The following RARB variants were observed in gnomAD, a reference collection of about 807,000 sequenced individuals.
RARB encodes HBV-activated protein.
In RARB, 17 loss-of-function variants were observed where a neutral mutation model predicts 51.9. The ratio of observed to expected loss-of-function variants is 0.33; its 90% CI spans 0.22 to 0.49. The LOEUF is 0.49. Ranked by LOEUF, RARB falls within the 20% of genes least tolerant of loss-of-function variation. The probability of loss-of-function intolerance (pLI) is 0.99; values close to 1 mark genes in which losing one functional copy is unlikely to be tolerated. For missense variants in RARB, 369 were observed against 550.8 expected (o/e 0.67, Z 3.30); for synonymous variants, 215 against 195.4 (o/e 1.10, Z -0.84).
chr3:25,041,528 G>C (rs572101674), intron 2 of RARB, among the ~76,000 whole-genome samples: 50 of 148,010 alleles, frequency 3.4e-4, no homozygotes, highest in African/African-American at 1.2e-3. Context: ...TGAGAGGGAG[G>C]ACATTTGGGA....
intron 2 of RARB, among the ~76,000 whole-genome samples, chr3:24,876,620 A>C (rs1303251723): frequency 6.6e-6 from 1 of 152,132 alleles, no homozygotes; most frequent in Non-Finnish European, 1.5e-5. Flanking sequence ...TATGAACTAC[A>C]CATCTTATTT....
intron 2 of RARB, among the ~76,000 whole-genome samples, chr3:24,979,270 G>A (rs1201071632): frequency 6.6e-6 from 1 of 152,176 alleles, no homozygotes; most frequent in Non-Finnish European, 1.5e-5. Flanking sequence ...TATTAGGTCT[G>A]CTTGGTCCAG....
rs111255824 is a variant in RARB, at chr3:25,017,221, C to CG, written c.-379-42904_-379-42903insG. Among the ~76,000 whole-genome samples, 7 of 142,026 alleles carry CG rather than the reference C, an allele frequency of 4.9e-5. 1 individual carries two copies. Among genetic ancestry groups the CG allele is most frequent in the African/African-American group, 2.1e-4 (7 of 32,694 alleles). 93.2% of individuals were successfully genotyped at this position (142,026 alleles called of 152,430 possible). ...ACAAATTAACTAGCTTTCCCCCCCC[C>CG]TTTCAGAACCTAAACCCCCAAATCT... is the stretch of plus-strand genomic sequence containing the variant. On this transcript the variant is annotated intron_variant, in intron 2 of 11. Transcript: ENST00000383772.
intron 3 of RARB, among the ~76,000 whole-genome samples, chr3:25,081,016 T>C (rs917049373): frequency 3.9e-5 from 6 of 152,180 alleles, no homozygotes; most frequent in African/African-American, 1.4e-4. Context: ...TTTTACTTTA[T>C]TATCTTCTTC....
intron 2 of RARB, among the ~76,000 whole-genome samples, chr3:24,881,869 TCAG>T (rs369237391): frequency 9.1e-4 from 138 of 152,272 alleles, no homozygotes; most frequent in African/African-American, 2.7e-3. Context: ...GAGTTGTACT[TCAG>T]CAGAGTTTTT....
At chr3:24,949,784 A>G (rs1313277385) in intron 2 of RARB, among the ~76,000 whole-genome samples, 1 of 152,150 alleles carries the variant, frequency 6.6e-6, no homozygotes, top group East Asian at 1.9e-4. Flanking sequence ...TCCAAAAGCT[A>G]GTTTATCAGT....
intron 2 of RARB, among the ~76,000 whole-genome samples, chr3:24,972,126 A>T (rs187300163): frequency 6.6e-6 from 1 of 151,864 alleles, no homozygotes; most frequent in Non-Finnish European, 1.5e-5. Context: ...CCATTAATCA[A>T]CCTCTCTTCA....
intron 2 of RARB, among the ~76,000 whole-genome samples, chr3:24,932,849 T>C (rs1400286829): frequency 6.6e-6 from 1 of 152,062 alleles, no homozygotes; most frequent in African/African-American, 2.4e-5. Flanking sequence ...ATGGAGGTGC[T>C]AATCTCTGTT....
At chr3:25,251,328 A>G (rs1308994466) in intron 5 of RARB, among the ~76,000 whole-genome samples, 1 of 152,026 alleles carries the variant, frequency 6.6e-6, no homozygotes, top group Non-Finnish European at 1.5e-5. Flanking sequence ...GCTGCTATAA[A>G]TATTTGTGTA....
At chr3:25,186,158 CA>C (rs1190152431) in intron 5 of RARB, among the ~76,000 whole-genome samples, 1 of 151,834 alleles carries the variant, frequency 6.6e-6, no homozygotes, top group Non-Finnish European at 1.5e-5. Flanking sequence ...GAAAAATAAA[CA>C]AAAGATTTTA....
At chr3:25,036,762 C>G (rs1698003480) in intron 2 of RARB, among the ~76,000 whole-genome samples, 1 of 152,146 alleles carries the variant, frequency 6.6e-6, no homozygotes, top group South Asian at 2.1e-4. Context: ...GGCATCACTA[C>G]AAGCCATGCA....
At chr3:25,228,829 T>A (rs1702114553) in intron 5 of RARB, among the ~76,000 whole-genome samples, 1 of 152,186 alleles carries the variant, frequency 6.6e-6, no homozygotes, top group Admixed American at 6.6e-5. Flanking sequence ...CTGCTCTAGA[T>A]GAATGTTTCT....
At chr3:24,891,336 G>A (rs1703374483) in intron 2 of RARB, among the ~76,000 whole-genome samples, 2 of 152,062 alleles carry the variant, frequency 1.3e-5, no homozygotes, top group South Asian at 4.2e-4. Context: ...GTCTACATTG[G>A]AAGCTTGTCT....
At chr3:25,360,124 G>A (rs1052721619) in intron 5 of RARB, among the ~76,000 whole-genome samples, 5 of 152,126 alleles carry the variant, frequency 3.3e-5, no homozygotes, top group African/African-American at 1.2e-4. Context: ...CTCTTTGTAG[G>A]TCTCTAAGAA....
intron 4 of RARB, among the ~76,000 whole-genome samples, chr3:25,577,125 G>A (rs1016084172): frequency 6.6e-6 from 1 of 152,170 alleles, no homozygotes; most frequent in African/African-American, 2.4e-5. Context: ...GAACCAGTAG[G>A]GAGGGGGTGA....
chr3:25,185,373 C>T (rs867335505), intron 5 of RARB, among the ~76,000 whole-genome samples: 28 of 152,042 alleles, frequency 1.8e-4, no homozygotes, highest in African/African-American at 4.3e-4. Context: ...TTAGGACCTG[C>T]GGGGTCTGCA....
intron 5 of RARB, among the ~76,000 whole-genome samples, chr3:25,373,437 A>T (rs1706362726): frequency 6.6e-6 from 1 of 152,180 alleles, no homozygotes; most frequent in African/African-American, 2.4e-5. Context: ...ATGCACGTGC[A>T]GACCCTTAGA....
At chr3:25,091,807 G>A (rs372738862) in intron 3 of RARB, among the ~76,000 whole-genome samples, 3 of 152,056 alleles carry the variant, frequency 2.0e-5, no homozygotes, top group African/African-American at 7.2e-5. Flanking sequence ...TTTAATTTGG[G>A]GTTTATGTTT....
intron 5 of RARB, among the ~76,000 whole-genome samples, chr3:25,310,878 C>A (rs1704273417): frequency 6.6e-6 from 1 of 152,172 alleles, no homozygotes; most frequent in Admixed American, 6.5e-5. Flanking sequence ...TGAGATATAG[C>A]CAGAATTTGC....
Sources: gnomAD v4.1 joint callset for allele counts (sites outside exome capture counted in the v4.1 genomes callset) on GRCh38, gnomAD v4.1.1 for gene constraint, MANE v1.5 for transcripts, NCBI Gene and HGNC (gene_info 2026-07-23, HGNC 2026-07-21) for gene names.